Variants in ENOPH1 observed in about 807,000 individuals in gnomAD.
ENOPH1 encodes enolase-phosphatase 1.
A neutral mutation model predicts 31.1 loss-of-function variants in ENOPH1; 14 were observed. The observed-to-expected ratio is 0.45, with a 90% CI of 0.30 to 0.70. ENOPH1 has a LOEUF of 0.70. ENOPH1 is among the 30% of genes least tolerant of loss of function. ENOPH1 has a pLI of 0.09. For missense variants in ENOPH1, 243 were observed against 321.5 expected, an observed-to-expected ratio of 0.76 and a Z score of 1.87; for synonymous variants, 127 against 123.2, an observed-to-expected ratio of 1.03 and a Z score of -0.21.
chr4:82,439,883 A>C (rs1721997001), intron 1 of ENOPH1, among the ~76,000 whole-genome samples: 1 of 152,154 alleles, frequency 6.6e-6, no homozygotes. Flanking sequence ...TGGCCTGAGC[A>C]TCTGGAAGGA....
chr4:82,454,103 A>G (rs1441138347), intron 3 of ENOPH1, among the ~76,000 whole-genome samples: 1 of 151,000 alleles, frequency 6.6e-6, no homozygotes, highest in African/African-American at 2.4e-5. Context: ...AGTCCCAACT[A>G]CCTGGGAGGC....
chr4:82,448,238 T>A (rs1316995529), intron 2 of ENOPH1, among the ~76,000 whole-genome samples: 1 of 150,342 alleles, frequency 6.7e-6, no homozygotes, highest in African/African-American at 2.4e-5. Context: ...CTTTGGTTGT[T>A]TTTTTTTGTT....
intron 1 of ENOPH1, among the ~76,000 whole-genome samples, chr4:82,447,137 C>T (rs1722215875): frequency 6.6e-6 from 1 of 152,080 alleles, no homozygotes; most frequent in Admixed American, 6.6e-5. Context: ...AGGCACCCGC[C>T]ACCACACCTG....
chr4:82,453,732 C>T (rs147915578), intron 3 of ENOPH1, among the ~76,000 whole-genome samples: 1 of 152,286 alleles, frequency 6.6e-6, no homozygotes, highest in East Asian at 1.9e-4. Flanking sequence ...TTTCACCTTT[C>T]TCCTGTGATG....
Position 82,460,225 on chromosome 4 carries a change from A to AT in ENOPH1, c.*106dup. ...ACTTACTTAAAAAACATATGTACAC[A>AT]TATGTATGCAAGTATGTATATATGT... On this transcript the variant is annotated 3_prime_UTR_variant, in exon 6 of 6. Coordinates refer to ENST00000273920, the MANE Select transcript of ENOPH1 (RefSeq NM_021204.5). 1 of 1,166,738 alleles carries AT rather than the reference A, an allele frequency of 8.6e-7. No homozygotes were observed. The highest frequency in any genetic ancestry group is 1.4e-5 in the South Asian group (1 of 71,044). The allele number at this position is 1,166,738 out of a possible 1,614,324, so 72.3% of individuals were successfully genotyped here. A position where few individuals can be genotyped will look rare whatever the true frequency, so the allele number is the denominator to read the frequency against.
chr4:82,430,817 A>T lies in ENOPH1; in HGVS notation c.-13A>T, dbSNP rs750580664. On this transcript the variant is annotated 5_prime_UTR_variant, in exon 1 of 6. Coordinates refer to ENST00000273920, the MANE Select transcript of ENOPH1 (RefSeq NM_021204.5). ...CCAACAGCAGGCCGAGTCCCGTAGC[A>T]TCCGGTAGGGAAATGGTCGTGCTTT... 1 of 1,613,720 alleles carries T rather than the reference A, an allele frequency of 6.2e-7. No individual in the cohort carries two copies. The highest frequency in any genetic ancestry group is 8.5e-7 in the Non-Finnish European group (1 of 1,179,680).
rs771657127 is a variant in ENOPH1 at position 82,430,783 on chromosome 4, C to T, written c.-47C>T. On this transcript the variant is annotated 5_prime_UTR_variant, in exon 1 of 6. Coordinates refer to ENST00000273920, the MANE Select transcript of ENOPH1 (RefSeq NM_021204.5). ...CCGCAGCCGCAGCCGGCGCCGCCCT[C>T]CGCCCTCCCCAACAGCAGGCCGAGT... 2.5e-6 allele frequency: 4 copies of T among 1,580,228 alleles called. No individual in the cohort carries two copies. The highest frequency in any genetic ancestry group is 1.7e-5 in the Admixed American group (1 of 59,828).
chr4:82,441,685 C>G (rs1722046481), intron 1 of ENOPH1, among the ~76,000 whole-genome samples: 1 of 152,010 alleles, frequency 6.6e-6, no homozygotes, highest in Non-Finnish European at 1.5e-5. Flanking sequence ...CAGTTATTTA[C>G]TCCCAGCACT....
rs765620647 is a variant in ENOPH1 at position 82,460,143 on chromosome 4, G to A, written c.*23G>A. Reference sequence around the variant, plus strand: ...TAGAGAAGGGTTGTTAAGGCAGACCGCCCTGTTCCCCAGAGTTGTCCCTGT... The same window carrying A: ...TAGAGAAGGGTTGTTAAGGCAGACCACCCTGTTCCCCAGAGTTGTCCCTGT... On this transcript the variant is annotated 3_prime_UTR_variant, in exon 6 of 6. Transcript: ENST00000273920. The A allele has an allele frequency of 1.6e-5, 26 of 1,613,410 alleles. No individual in the cohort carries two copies. Among genetic ancestry groups the A allele is most frequent in the South Asian group, 5.5e-5 (5 of 91,020 alleles).
intron 1 of ENOPH1, among the ~76,000 whole-genome samples, chr4:82,443,442 A>G (rs992042732): frequency 2.0e-5 from 3 of 148,706 alleles, no homozygotes; most frequent in Admixed American, 1.3e-4. Context: ...TAGCCCACCA[A>G]TGGGGGCTGG....
chr4:82,434,822 G>A (rs182057902), intron 1 of ENOPH1, among the ~76,000 whole-genome samples: 3,210 of 151,976 alleles, frequency 0.021, 56 homozygotes, highest in Middle Eastern at 0.061. Context: ...TGGGAGAATC[G>A]CTTGTACCTG....
At chr4:82,458,097 G>A (rs184244753) in intron 5 of ENOPH1, among the ~76,000 whole-genome samples, 47 of 152,294 alleles carry the variant, frequency 3.1e-4, no homozygotes, top group African/African-American at 9.9e-4. Flanking sequence ...TTGGGTCATC[G>A]GCAGCTGGGA....
chr4:82,457,325 A>G (rs780880037), intron 5 of ENOPH1, among the ~76,000 whole-genome samples: 7 of 152,180 alleles, frequency 4.6e-5, no homozygotes, highest in Admixed American at 6.5e-5. Flanking sequence ...AGCCTGGGCA[A>G]CAATGTAAGA....
chr4:82,457,159 G>A lies in ENOPH1; in HGVS notation c.646+121G>A, dbSNP rs137940257. 487 of 954,480 alleles carry A rather than the reference G, an allele frequency of 5.1e-4. 1 individual carries two copies. Among genetic ancestry groups the A allele is most frequent in the Admixed American group, 1.4e-3 (46 of 33,062 alleles). 59.1% of individuals were successfully genotyped at this position (954,480 alleles called of 1,614,324 possible). A position where few individuals can be genotyped will look rare whatever the true frequency, so the allele number is the denominator to read the frequency against. ...TCCTTGAAAAATAAAACAGTTTTACGGTTTTATATAAAGAAACAGTGTCTG... is the reference window on the plus strand; with the variant it reads ...TCCTTGAAAAATAAAACAGTTTTACAGTTTTATATAAAGAAACAGTGTCTG... On this transcript the variant is annotated intron_variant, in intron 5 of 5. Transcript: ENST00000273920.
At chr4:82,445,138 C>T (rs999742433) in intron 1 of ENOPH1, among the ~76,000 whole-genome samples, 6 of 151,998 alleles carry the variant, frequency 3.9e-5, no homozygotes, top group Non-Finnish European at 7.4e-5. Context: ...TGAGGTGGGA[C>T]GATCTCTTGA....
intron 1 of ENOPH1, among the ~76,000 whole-genome samples, chr4:82,434,982 T>A (rs1030578205): frequency 2.6e-5 from 4 of 152,154 alleles, no homozygotes; most frequent in Non-Finnish European, 4.4e-5. Flanking sequence ...ATCATCAAAA[T>A]TTGTTGGGAG....
At chr4:82,437,464 C>T (rs767267026) in intron 1 of ENOPH1, among the ~76,000 whole-genome samples, 18 of 152,174 alleles carry the variant, frequency 1.2e-4, no homozygotes, top group Non-Finnish European at 2.1e-4. Flanking sequence ...CCAATCATGC[C>T]CTTTCTTGCT....
rs1182095133 is a variant in ENOPH1 at position 82,449,958 on chromosome 4, C to T, written c.187-1085C>T. The stretch of plus-strand genomic sequence containing the variant: ...TCCTTCCACATTGTGTGCTATGGAA[C>T]TCCTGCTCTGTTGTTTTTCTTGTTA... On this transcript the variant is annotated intron_variant, in intron 2 of 5. Transcript: ENST00000273920. 2.0e-5 allele frequency among the ~76,000 whole-genome samples: 3 copies of T among 152,178 alleles called. No individual in the cohort carries two copies. In the East Asian group the frequency reaches 5.8e-4, roughly 29 times the overall value.
chr4:82,432,812 G>C (rs983110956), intron 1 of ENOPH1, among the ~76,000 whole-genome samples: 5 of 151,866 alleles, frequency 3.3e-5, no homozygotes, highest in African/African-American at 1.2e-4. Flanking sequence ...GCTAATTTTT[G>C]TATTTTTAGT....
Sources: gnomAD v4.1 joint callset for allele counts (sites outside exome capture counted in the v4.1 genomes callset) on GRCh38, gnomAD v4.1.1 for gene constraint, MANE v1.5 for transcripts, NCBI Gene and HGNC (gene_info 2026-07-23, HGNC 2026-07-21) for gene names.